The following DGKI variants were observed in gnomAD, a reference collection of about 807,000 sequenced individuals.
The protein encoded by DGKI is DAG kinase iota.
DGKI carries 55 observed loss-of-function variants against 147.5 expected under a neutral mutation model. The observed-to-expected ratio is 0.37, with a 90% CI of 0.30 to 0.47. DGKI has a LOEUF of 0.47. DGKI is among the 20% of genes least tolerant of loss of function. The pLI is 1.00. For synonymous variants in DGKI, 469 were observed against 477.1 expected, an observed-to-expected ratio of 0.98 and a Z score of 0.22; for missense variants, 1,007 against 1,323.8, an observed-to-expected ratio of 0.76 and a Z score of 3.71.
rs1267215045 is a variant in DGKI at position 137,845,410 on chromosome 7, AG to A, written c.401+1051del. 3.3e-5 allele frequency among the ~76,000 whole-genome samples: 5 copies of A among 152,228 alleles called. No individual in the cohort carries two copies. The East Asian group carries it at 5.8e-4, about 18-fold the overall frequency. On this transcript the variant is annotated intron_variant, in intron 1 of 32. Transcript: ENST00000614521. Reference sequence around the variant, plus strand: ...TTAATACTTTATATGGTTTTTGGGAAGGGAACACTAACTCAGAAAGAGTAGG... The same window carrying A: ...TTAATACTTTATATGGTTTTTGGGAAGGAACACTAACTCAGAAAGAGTAGG...
intron 1 of DGKI, among the ~76,000 whole-genome samples, chr7:137,785,785 G>A (rs916711885): frequency 6.6e-6 from 1 of 152,136 alleles, no homozygotes. Context: ...ATGATCAAGT[G>A]TGTTTCATAC....
intron 1 of DGKI, among the ~76,000 whole-genome samples, chr7:137,699,774 C>G (rs2116504348): frequency 6.6e-6 from 1 of 152,282 alleles, no homozygotes; most frequent in Middle Eastern, 3.4e-3. Flanking sequence ...TGCTAGCACA[C>G]TTGGTCCCTT....
intron 27 of DGKI, among the ~76,000 whole-genome samples, chr7:137,455,725 A>C (rs1814174587): frequency 6.6e-6 from 1 of 151,114 alleles, no homozygotes; most frequent in Non-Finnish European, 1.5e-5. Flanking sequence ...TCTTGTTCTG[A>C]TCTTCTTAGA....
chr7:137,665,887 GAC>G (rs967028967), intron 3 of DGKI, among the ~76,000 whole-genome samples: 10 of 152,282 alleles, frequency 6.6e-5, no homozygotes, highest in Non-Finnish European at 1.5e-4. Context: ...GAACTAGAAA[GAC>G]ACACAAAAAA....
chr7:137,661,944 G>A (rs1005851718), intron 3 of DGKI, among the ~76,000 whole-genome samples: 1 of 152,174 alleles, frequency 6.6e-6, no homozygotes, highest in African/African-American at 2.4e-5. Flanking sequence ...CAAGATTGTT[G>A]CTGTATAATC....
chr7:137,842,933 A>G (rs894967462), intron 1 of DGKI, among the ~76,000 whole-genome samples: 1 of 152,210 alleles, frequency 6.6e-6, no homozygotes, highest in Admixed American at 6.5e-5. Flanking sequence ...ATGCATACAC[A>G]TATGCACACA....
At chr7:137,689,860 G>T in intron 2 of DGKI, 34 bp downstream of exon 2, 1 of 1,364,526 alleles carries the variant, frequency 7.3e-7, no homozygotes, top group South Asian at 1.4e-5. Flanking sequence ...AACATGCACT[G>T]AAGTGATGTT....
At chr7:137,534,156 ATTAT>A (rs1375377209) in intron 20 of DGKI, among the ~76,000 whole-genome samples, 1 of 152,042 alleles carries the variant, frequency 6.6e-6, no homozygotes. Flanking sequence ...GATTATTTGG[ATTAT>A]TTGTTTGGAA....
chr7:137,486,980 C>A (rs560797201), intron 22 of DGKI, among the ~76,000 whole-genome samples: 31 of 152,154 alleles, frequency 2.0e-4, no homozygotes, highest in Admixed American at 1.6e-3. Flanking sequence ...GGTTAAGACT[C>A]CCCCTCAAAT....
intron 28 of DGKI, among the ~76,000 whole-genome samples, chr7:137,423,250 T>C (rs1812650935): frequency 6.6e-6 from 1 of 152,168 alleles, no homozygotes; most frequent in South Asian, 2.1e-4. Flanking sequence ...GGCCTGTAGC[T>C]CTGGTGACTG....
intron 14 of DGKI, 44 bp downstream of exon 14, chr7:137,585,165 A>G (rs1485571286): frequency 6.2e-7 from 1 of 1,609,084 alleles, no homozygotes; most frequent in East Asian, 2.2e-5. Context: ...TAGCTCAGGC[A>G]GATGCTCCAG....
In DGKI at chr7:137,671,151, T is replaced by C. The variant is rs139394051; in HGVS notation, c.606+7406A>G. 5.0e-3 allele frequency among the ~76,000 whole-genome samples: 761 copies of C among 152,268 alleles called. 5 individuals carry two copies. Among genetic ancestry groups the C allele is most frequent in the African/African-American group, 0.017 (704 of 41,546 alleles). On this transcript the variant is annotated intron_variant, in intron 3 of 32. Coordinates refer to ENST00000614521, the MANE Select transcript of DGKI (RefSeq NM_001321708.2). Reference sequence around the variant, plus strand: ...CAGAAAGCTGAAAGTTTCCTTCAAATAGGGCAGAAAGCTATGACCCTTGTA... The same window carrying C: ...CAGAAAGCTGAAAGTTTCCTTCAAACAGGGCAGAAAGCTATGACCCTTGTA...
chr7:137,429,630 GA>G (rs1454956888), intron 28 of DGKI, among the ~76,000 whole-genome samples: 1 of 151,774 alleles, frequency 6.6e-6, no homozygotes, highest in Admixed American at 6.6e-5. Flanking sequence ...TACAAAATGG[GA>G]GAAAATTTTC....
chr7:137,407,949 G>C lies in DGKI; in HGVS notation c.2846C>G (p.Pro949Arg). ...GTAGTGAAGGAGTGAACAGTGGTCT[G>C]GTCCCTGAATTAGCAGACTGCCTCC... is the stretch of plus-strand genomic sequence containing the variant. ...KNGGSLLIQG[P>R]DHCSLLHYAA... The change falls in exon 30 of 33, where the codon CCA (proline) becomes CGA (arginine). Residue 949 changes from proline to arginine, a missense_variant. This residue lies in a region of DGKI where 385 missense variants were observed against 445.2 expected (regional missense o/e 0.86). Coordinates refer to ENST00000614521, the MANE Select transcript of DGKI (RefSeq NM_001321708.2). 6.2e-7 allele frequency: 1 copy of C among 1,613,990 alleles called. No individual in the cohort carries two copies. The highest frequency in any genetic ancestry group is 8.5e-7 in the Non-Finnish European group (1 of 1,179,940).
At chr7:137,472,180 GT>G (rs1814941896) in intron 23 of DGKI, among the ~76,000 whole-genome samples, 1 of 112,460 alleles carries the variant, frequency 8.9e-6, no homozygotes, top group African/African-American at 3.7e-5. Flanking sequence ...ACATATATAT[GT>G]ATATACATAT....
chr7:137,398,263 A>T (rs1811626445), intron 30 of DGKI, among the ~76,000 whole-genome samples: 1 of 152,148 alleles, frequency 6.6e-6, no homozygotes, highest in African/African-American at 2.4e-5. Context: ...GCAAGGGGGG[A>T]TATATGATCA....
intron 1 of DGKI, among the ~76,000 whole-genome samples, chr7:137,769,363 G>T (rs1020375421): frequency 2.6e-5 from 4 of 152,200 alleles, no homozygotes; most frequent in African/African-American, 9.6e-5. Flanking sequence ...GAACTGGAAA[G>T]AACTGGATTA....
chr7:137,538,687 C>CA lies in DGKI; in HGVS notation c.2147+13681dup. 2.0e-5 allele frequency among the ~76,000 whole-genome samples: 3 copies of CA among 152,224 alleles called. 1 individual carries two copies. The Middle Eastern group carries it at 0.01, about 518-fold the overall frequency. ...AATGCAGTCCGATAGTTCTCTGCTT[C>CA]AAAAAACAGGGGAGATCTTATCCTG... On this transcript the variant is annotated intron_variant, in intron 20 of 32. Coordinates refer to ENST00000614521, the MANE Select transcript of DGKI (RefSeq NM_001321708.2).
Position 137,454,020 on chromosome 7 carries a change from A to G in DGKI, c.2735+9469T>C, listed in dbSNP as rs186440775. Among the ~76,000 whole-genome samples the G allele has an allele frequency of 5.9e-5, 9 of 152,184 alleles. No individual in the cohort carries two copies. In the East Asian group the frequency reaches 1.7e-3, roughly 29 times the overall value. On this transcript the variant is annotated intron_variant, in intron 27 of 32. Coordinates refer to ENST00000614521, the MANE Select transcript of DGKI (RefSeq NM_001321708.2). The stretch of plus-strand genomic sequence containing the variant: ...TGGGGAGATATTGGTCAAAGGACGT[A>G]TAATTACAGTTCAGCAGACTAAGTT...
Sources: gnomAD v4.1 joint callset for allele counts (sites outside exome capture counted in the v4.1 genomes callset) on GRCh38, gnomAD v4.1.1 for gene constraint, gnomAD v4.1.1 regional missense constraint, MANE v1.5 for transcripts, NCBI Gene and HGNC (gene_info 2026-07-23, HGNC 2026-07-21) for gene names.